Variants in NTRK3 observed in about 807,000 individuals in gnomAD.
NTRK3 encodes the protein NT-3 growth factor receptor.
Under a neutral mutation model 91.7 loss-of-function variants are expected in NTRK3, and 24 were observed. The ratio of observed to expected loss-of-function variants is 0.26; its 90% confidence interval spans 0.19 to 0.37. The LOEUF (loss-of-function observed/expected upper bound fraction) is 0.37, where lower values mean the gene tolerates loss of function less well. Among genes scored for constraint, NTRK3 ranks in the 10% least tolerant of loss-of-function variants. NTRK3 has a pLI of 1.00. For synonymous variants in NTRK3, 483 were observed against 404.0 expected, an observed-to-expected ratio of 1.20 and a Z score of -2.34; for missense variants, 880 against 1,068.9, an observed-to-expected ratio of 0.82 and a Z score of 2.46.
chr15:87,957,644 G>T (rs2071810242), intron 14 of NTRK3, among the ~76,000 whole-genome samples: 1 of 136,902 alleles, frequency 7.3e-6, no homozygotes, highest in South Asian at 2.4e-4. Context: ...AAACAAATGT[G>T]CACTGTGAAT....
At chr15:87,885,434 T>C (rs953683989) in intron 17 of NTRK3, among the ~76,000 whole-genome samples, 16 of 151,906 alleles carry the variant, frequency 1.1e-4, no homozygotes, top group Admixed American at 9.8e-4. Flanking sequence ...TAGTAATTAT[T>C]TGATAAAAAC....
At chr15:88,147,592 G>C (rs1265134813) in intron 5 of NTRK3, among the ~76,000 whole-genome samples, 189 bp from the exon 6 acceptor site, 1 of 151,504 alleles carries the variant, frequency 6.6e-6, no homozygotes, top group East Asian at 1.9e-4. Context: ...TAATAGCTGA[G>C]GGCATAGATC....
chr15:87,940,684 A>T (rs2142018613), exon 15 of NTRK3: 5 of 1,614,048 alleles, frequency 3.1e-6, no homozygotes, highest in Non-Finnish European at 3.4e-6. Flanking sequence ...GGCCAGGAAG[A>T]CCTTTCCAAA....
intron 6 of NTRK3, among the ~76,000 whole-genome samples, chr15:88,139,824 T>C (rs1320165475): frequency 6.6e-6 from 1 of 151,118 alleles, no homozygotes; most frequent in Non-Finnish European, 1.5e-5. Flanking sequence ...CCATCTGTCA[T>C]GTGCAAGGCA....
chr15:87,887,429 T>C (rs1437843264), intron 17 of NTRK3, among the ~76,000 whole-genome samples: 1 of 152,180 alleles, frequency 6.6e-6, no homozygotes, highest in Non-Finnish European at 1.5e-5. Context: ...ATCTTCAAAA[T>C]AAGAGTGAAG....
At chr15:87,909,155 C>T (rs2066940853) in intron 17 of NTRK3, among the ~76,000 whole-genome samples, 1 of 152,102 alleles carries the variant, frequency 6.6e-6, no homozygotes, top group African/African-American at 2.4e-5. Context: ...AATGTCACCA[C>T]CATGGAGCCT....
At chr15:87,892,369 C>G (rs1203627897) in intron 17 of NTRK3, among the ~76,000 whole-genome samples, 1 of 152,066 alleles carries the variant, frequency 6.6e-6, no homozygotes, top group Non-Finnish European at 1.5e-5. Context: ...TGATAAGAGT[C>G]CAATATGTGA....
At chr15:88,022,297 C>T (rs529954498) in intron 14 of NTRK3, among the ~76,000 whole-genome samples, 5 of 152,282 alleles carry the variant, frequency 3.3e-5, no homozygotes, top group East Asian at 3.9e-4. Context: ...AAGTTCAAGA[C>T]AGGAGAAGCA....
intron 5 of NTRK3, among the ~76,000 whole-genome samples, chr15:88,174,207 C>T (rs1446973902): frequency 6.6e-6 from 1 of 152,162 alleles, no homozygotes; most frequent in Non-Finnish European, 1.5e-5. Context: ...TCCCAAAATG[C>T]TATGAGGTCA....
chr15:87,895,347 G>T (rs16940983), intron 17 of NTRK3, among the ~76,000 whole-genome samples: 1 of 152,100 alleles, frequency 6.6e-6, no homozygotes, highest in African/African-American at 2.4e-5. Context: ...TTTACATTTT[G>T]GTTCTGAGGA....
chr15:88,004,645 C>G (rs1199267578), intron 14 of NTRK3, among the ~76,000 whole-genome samples: 1 of 152,200 alleles, frequency 6.6e-6, no homozygotes, highest in Non-Finnish European at 1.5e-5. Context: ...ACCCTACTGC[C>G]TTCCACAGGG....
intron 5 of NTRK3, among the ~76,000 whole-genome samples, chr15:88,159,793 G>A (rs1399321201): frequency 6.6e-6 from 1 of 151,954 alleles, no homozygotes; most frequent in African/African-American, 2.4e-5. Context: ...ATCTCCAATG[G>A]GGACGTGCCC....
intron 13 of NTRK3, among the ~76,000 whole-genome samples, chr15:88,090,592 G>T (rs986771280): frequency 6.6e-6 from 1 of 152,096 alleles, no homozygotes; most frequent in East Asian, 1.9e-4. Flanking sequence ...AGAAATGACC[G>T]TGACAGCTGC....
At chr15:87,866,428 A>T (rs1400380549) in exon 19 of NTRK3, 7 of 163,708 alleles carry the variant, frequency 4.3e-5, no homozygotes, top group Admixed American at 6.7e-5. Flanking sequence ...TATATATGTA[A>T]ATATATATAT....
intron 13 of NTRK3, among the ~76,000 whole-genome samples, chr15:88,120,297 T>C (rs1463318236): frequency 6.6e-6 from 1 of 152,142 alleles, no homozygotes; most frequent in Non-Finnish European, 1.5e-5. Context: ...TTACCATCTG[T>C]TTATGGAAAA....
At chr15:88,056,809 G>A (rs1194097058) in intron 13 of NTRK3, among the ~76,000 whole-genome samples, 2 of 152,176 alleles carry the variant, frequency 1.3e-5, no homozygotes, top group African/African-American at 2.4e-5. Context: ...TTAGGGTTGT[G>A]ACAAAGTCCC....
intron 13 of NTRK3, among the ~76,000 whole-genome samples, chr15:88,097,619 T>C (rs2049750965): frequency 6.6e-6 from 1 of 152,236 alleles, no homozygotes; most frequent in Non-Finnish European, 1.5e-5. Context: ...TCATTGTTAC[T>C]GATAATAGTA....
At chr15:88,154,730 T>C (rs1013312215) in intron 5 of NTRK3, among the ~76,000 whole-genome samples, 1 of 152,206 alleles carries the variant, frequency 6.6e-6, no homozygotes, top group Non-Finnish European at 1.5e-5. Context: ...AGCGTGTTCC[T>C]GGAATCTGAG....
chr15:88,084,241 G>A (rs1353094576), intron 13 of NTRK3, among the ~76,000 whole-genome samples: 4 of 152,090 alleles, frequency 2.6e-5, no homozygotes, highest in Non-Finnish European at 5.9e-5. Context: ...CTAAAAGGAT[G>A]TCCCACTGCC....
Sources: allele counts gnomAD v4.1 joint callset (sites outside exome capture counted in the v4.1 genomes callset), GRCh38; gene constraint gnomAD v4.1.1; transcripts MANE v1.5; gene names NCBI Gene and HGNC (gene_info 2026-07-23, HGNC 2026-07-21).